Variants in AK5 observed in about 807,000 individuals in gnomAD.
AK5 encodes the protein adenylate kinase isoenzyme 5.
In AK5, 27 loss-of-function variants were observed where a neutral mutation model predicts 69.5. The ratio of observed to expected loss-of-function variants is 0.39; its 90% confidence interval spans 0.29 to 0.54. The LOEUF is 0.54. AK5 is among the 20% of genes least tolerant of loss of function. The pLI, the probability that AK5 is intolerant of heterozygous loss-of-function variation, is 0.71. For synonymous variants in AK5, 260 were observed against 244.4 expected, an observed-to-expected ratio of 1.06 and a Z score of -0.60; for missense variants, 531 against 700.4, an observed-to-expected ratio of 0.76 and a Z score of 2.73.
intron 5 of AK5, among the ~76,000 whole-genome samples, chr1:77,312,768 G>A (rs1025980077): frequency 3.9e-5 from 6 of 152,040 alleles, no homozygotes; most frequent in Non-Finnish European, 5.9e-5. Flanking sequence ...TCCATTACAC[G>A]TACTGTCTTT....
At chr1:77,325,486 T>C (rs1476543192) in intron 5 of AK5, among the ~76,000 whole-genome samples, 1 of 152,074 alleles carries the variant, frequency 6.6e-6, no homozygotes, top group South Asian at 2.1e-4. Flanking sequence ...CTACACACTT[T>C]TACGGGAAAA....
rs144919557 is a variant in AK5 at position 77,427,780 on chromosome 1, T to G, written c.1059+10065T>G. 6.2e-3 allele frequency among the ~76,000 whole-genome samples: 948 copies of G among 152,366 alleles called. 15 individuals carry two copies. The highest frequency in any genetic ancestry group is 0.022 in the African/African-American group (900 of 41,590). On this transcript the variant is annotated intron_variant, in intron 8 of 13. Coordinates refer to ENST00000354567, the MANE Select transcript of AK5 (RefSeq NM_174858.3). ...GATGAGAAACTTGAAGCTTTCCTGC[T>G]TTTCTGCTAAGAAAAGAAATAAGGC...
intron 5 of AK5, among the ~76,000 whole-genome samples, chr1:77,311,115 A>G (rs1008269683): frequency 4.6e-5 from 7 of 152,088 alleles, no homozygotes; most frequent in Non-Finnish European, 7.3e-5. Flanking sequence ...CAGCTGACTC[A>G]TTCATGTTGT....
At chr1:77,550,367 C>T (rs758536500) in intron 13 of AK5, among the ~76,000 whole-genome samples, 2 of 152,022 alleles carry the variant, frequency 1.3e-5, no homozygotes, top group Admixed American at 6.6e-5. Flanking sequence ...AGAAAGGTCA[C>T]GATGAAACTT....
At chr1:77,486,072 G>T (rs769397914) in intron 9 of AK5, among the ~76,000 whole-genome samples, 8 of 152,148 alleles carry the variant, frequency 5.3e-5, no homozygotes, top group Non-Finnish European at 1.0e-4. Flanking sequence ...ACAAGATCGA[G>T]CCACTGCACT....
chr1:77,368,247 A>ATGT (rs1441296979), intron 6 of AK5, among the ~76,000 whole-genome samples: 3 of 88,698 alleles, frequency 3.4e-5, no homozygotes, highest in African/African-American at 1.1e-4. Flanking sequence ...ATATATATAT[A>ATGT]TATATAATAT....
At chr1:77,514,443 ATAAGT>A (rs1657524075) in intron 10 of AK5, among the ~76,000 whole-genome samples, 1 of 152,224 alleles carries the variant, frequency 6.6e-6, no homozygotes, top group Non-Finnish European at 1.5e-5. Context: ...TTTAAAAGTC[ATAAGT>A]TAAGACCTCA....
intron 6 of AK5, among the ~76,000 whole-genome samples, chr1:77,406,666 C>T (rs933068239): frequency 6.6e-6 from 1 of 150,380 alleles, no homozygotes; most frequent in African/African-American, 2.5e-5. Context: ...CAAATCTTAG[C>T]TCTTCTGCAT....
At chr1:77,340,608 C>G in intron 6 of AK5, 40 bp downstream of exon 6, 1 of 1,576,712 alleles carries the variant, frequency 6.3e-7, no homozygotes, top group Non-Finnish European at 8.7e-7. Context: ...TACAAGAGCG[C>G]TCTTTCAGAT....
intron 3 of AK5, 131 bp downstream of exon 3, chr1:77,294,091 A>G (rs1658847625): frequency 2.7e-6 from 2 of 734,692 alleles, no homozygotes; most frequent in Non-Finnish European, 4.3e-6. Context: ...AGCTCAAGGG[A>G]CAATAAATGG....
At chr1:77,291,325 C>G (rs912078050) in intron 2 of AK5, among the ~76,000 whole-genome samples, 3 of 152,172 alleles carry the variant, frequency 2.0e-5, no homozygotes. Flanking sequence ...ATTTCCATTT[C>G]CCCTGCTGCC....
intron 8 of AK5, among the ~76,000 whole-genome samples, chr1:77,441,591 A>G (rs1652328579): frequency 2.0e-5 from 3 of 152,198 alleles, no homozygotes; most frequent in Admixed American, 1.3e-4. Flanking sequence ...TAGGCACCTC[A>G]GTGGTTTAGG....
intron 6 of AK5, among the ~76,000 whole-genome samples, chr1:77,342,200 T>C (rs1239121167): frequency 1.3e-5 from 2 of 152,104 alleles, no homozygotes; most frequent in Admixed American, 1.3e-4. Flanking sequence ...TTCTCACCAG[T>C]TACCAACACT....
intron 12 of AK5, among the ~76,000 whole-genome samples, chr1:77,533,506 CACCAAAA>C (rs1176147596): frequency 7.6e-4 from 51 of 67,508 alleles, no homozygotes; most frequent in African/African-American, 2.5e-3. Context: ...AAGACTCTGT[CACCAAAA>C]AAAAAAAAAA....
intron 6 of AK5, among the ~76,000 whole-genome samples, chr1:77,355,725 G>T (rs1264441502): frequency 6.6e-6 from 1 of 151,910 alleles, no homozygotes; most frequent in Non-Finnish European, 1.5e-5. Context: ...TCCACTGTCT[G>T]CTCTCCTTTT....
intron 5 of AK5, among the ~76,000 whole-genome samples, chr1:77,323,816 CAGAG>C (rs1057203496): frequency 4.6e-5 from 7 of 151,834 alleles, no homozygotes; most frequent in Non-Finnish European, 1.0e-4. Flanking sequence ...AACACACACA[CAGAG>C]AAAGAAATAG....
chr1:77,553,825 C>T (rs924920671), intron 13 of AK5, among the ~76,000 whole-genome samples: 2 of 152,148 alleles, frequency 1.3e-5, no homozygotes, highest in Non-Finnish European at 2.9e-5. Flanking sequence ...TTCCTTTCCT[C>T]CCTCCTCCCA....
intron 5 of AK5, among the ~76,000 whole-genome samples, chr1:77,303,606 C>T (rs1392958282): frequency 6.6e-6 from 1 of 152,186 alleles, no homozygotes; most frequent in East Asian, 1.9e-4. Context: ...TCCACTGTAC[C>T]TTTGTGAGAA....
At chr1:77,524,861 T>C (rs1475658585) in intron 12 of AK5, among the ~76,000 whole-genome samples, 3 of 152,160 alleles carry the variant, frequency 2.0e-5, no homozygotes, top group Non-Finnish European at 4.4e-5. Flanking sequence ...AAAAGCTTTG[T>C]AGTTTTAGCG....
Sources: allele counts gnomAD v4.1 joint callset (sites outside exome capture counted in the v4.1 genomes callset), GRCh38; gene constraint gnomAD v4.1.1; transcripts MANE v1.5; gene names NCBI Gene and HGNC (gene_info 2026-07-23, HGNC 2026-07-21).